SHLD2: variants seen among roughly 807,000 people sequenced by gnomAD.
The protein encoded by SHLD2 is shieldin complex subunit 2.
In SHLD2, 30 loss-of-function variants were observed where a neutral mutation model predicts 73.2. The observed-to-expected ratio is 0.41, with a 90% CI of 0.31 to 0.56. The LOEUF is 0.56. Among genes scored for constraint, SHLD2 ranks in the 20% least tolerant of loss-of-function variants. The pLI is 0.28. For missense variants in SHLD2, 745 were observed against 1,055.9 expected (o/e 0.71, Z 4.08); for synonymous variants, 285 against 370.1 (o/e 0.77, Z 2.64).
chr10:87,134,815 G>C (rs1844685563), intron 2 of SHLD2, among the ~76,000 whole-genome samples: 1 of 152,166 alleles, frequency 6.6e-6, no homozygotes. Context: ...GAAGAGGTGA[G>C]TGAAACTGCT....
At chr10:87,155,568 G>A (rs1846356111) in intron 3 of SHLD2, among the ~76,000 whole-genome samples, 2 of 151,872 alleles carry the variant, frequency 1.3e-5, no homozygotes, top group South Asian at 4.2e-4. Context: ...TTGCAGAGCT[G>A]AAATCTAGTT....
intron 6 of SHLD2, among the ~76,000 whole-genome samples, chr10:87,172,615 G>A (rs1453710704): frequency 6.6e-6 from 1 of 151,878 alleles, no homozygotes; most frequent in East Asian, 1.9e-4. Context: ...GGCTGAGGTG[G>A]GTGGATTGCT....
intron 2 of SHLD2, among the ~76,000 whole-genome samples, chr10:87,105,442 A>G (rs781654461): frequency 1.3e-5 from 2 of 152,262 alleles, no homozygotes; most frequent in Admixed American, 6.5e-5. Context: ...GGCACAAGGT[A>G]GAGACGCTGA....
At chr10:87,154,026 G>A (rs920306184) in intron 3 of SHLD2, 3 of 150,842 alleles carry the variant, frequency 2.0e-5, no homozygotes, top group African/African-American at 7.3e-5. Flanking sequence ...TTAATTTTTT[G>A]TTTGTTTGTT....
In SHLD2 at chr10:87,170,513, T is replaced by C; in HGVS notation, c.1669T>C (p.Leu557=). 1 of 1,606,540 alleles carries C rather than the reference T, an allele frequency of 6.2e-7. No homozygotes were observed. Residue 557 remains leucine, a synonymous_variant, in exon 5 of 10, where the codon TTA becomes CTA. Transcript: ENST00000298786. ...AGTTAGTGAAGTTGTACTTCAAGAC[T>C]TACTGGCATATGTGTCCTCAAAACA... ...SVVSEVVLQD[L]LAYVSSKHSY...
upstream of SHLD2, chr10:87,094,855 C>T (rs1841692573): frequency 2.7e-6 from 3 of 1,104,042 alleles, no homozygotes; most frequent in East Asian, 3.3e-5. The surrounding 1 kb of genome is among the most constrained non-coding windows in gnomAD (Gnocchi z 6.6). Context: ...AAGGGTCCCG[C>T]GCGGGTTGCC....
chr10:87,116,056 T>C (rs1843239489), intron 2 of SHLD2, among the ~76,000 whole-genome samples: 1 of 152,254 alleles, frequency 6.6e-6, no homozygotes, highest in Non-Finnish European at 1.5e-5. Flanking sequence ...TAGCCCACAG[T>C]TGAATGAATA....
At chr10:87,104,860 C>G (rs991742155) in intron 2 of SHLD2, among the ~76,000 whole-genome samples, 5 of 151,986 alleles carry the variant, frequency 3.3e-5, no homozygotes, top group African/African-American at 1.2e-4. Flanking sequence ...GAGGTTTCAC[C>G]ATGTTGGCCA....
chr10:87,107,873 A>G (rs952331729), intron 2 of SHLD2, among the ~76,000 whole-genome samples: 1 of 150,196 alleles, frequency 6.7e-6, no homozygotes, highest in South Asian at 2.1e-4. Context: ...ATTTTTAGAG[A>G]TGACTTTTTG....
chr10:87,175,692 A>G lies in SHLD2; in HGVS notation c.1964-197A>G, dbSNP rs143953358. On this transcript the variant is annotated intron_variant, in intron 6 of 9. Coordinates refer to ENST00000298786, the MANE Select transcript of SHLD2 (RefSeq NM_001330112.2). ...GAGTGAGACTCTGTCTTGGAAAATA[A>G]TAATAATAATAATAATAATCTCTAG... Among the ~76,000 whole-genome samples the G allele has an allele frequency of 4.2e-3, 635 of 152,162 alleles. 6 individuals carry two copies. Among genetic ancestry groups the G allele is most frequent in the Non-Finnish European group, 4.2e-3 (289 of 68,004 alleles).
chr10:87,179,497 G>T (rs1297296039), intron 7 of SHLD2, among the ~76,000 whole-genome samples: 2 of 152,008 alleles, frequency 1.3e-5, no homozygotes, highest in African/African-American at 4.8e-5. Context: ...TGCCTCCCGG[G>T]TTCAAGCCAT....
intron 6 of SHLD2, among the ~76,000 whole-genome samples, chr10:87,172,720 T>C (rs1345706965): frequency 2.0e-5 from 3 of 151,882 alleles, no homozygotes; most frequent in African/African-American, 4.8e-5. Flanking sequence ...TGTTATCATA[T>C]AATAAATATT....
intron 2 of SHLD2, among the ~76,000 whole-genome samples, chr10:87,114,906 T>G (rs1843148509): frequency 6.6e-6 from 1 of 152,172 alleles, no homozygotes; most frequent in African/African-American, 2.4e-5. Context: ...GTTTCTGGCT[T>G]TAATAACTCC....
chr10:87,127,356 A>C (rs536519131), intron 2 of SHLD2, among the ~76,000 whole-genome samples: 58 of 152,196 alleles, frequency 3.8e-4, no homozygotes, highest in African/African-American at 1.4e-3. Context: ...GTGAGAGTGA[A>C]AGATTGATTA....
intron 2 of SHLD2, among the ~76,000 whole-genome samples, chr10:87,127,855 AGG>A (rs1207700682): frequency 1.3e-5 from 2 of 151,904 alleles, no homozygotes; most frequent in East Asian, 3.9e-4. Context: ...CAGAAACCCA[AGG>A]ATTTCTGCCG....
intron 2 of SHLD2, among the ~76,000 whole-genome samples, chr10:87,123,071 C>T (rs1843737244): frequency 6.6e-6 from 1 of 152,130 alleles, no homozygotes; most frequent in Admixed American, 6.5e-5. Context: ...GCCACTGCAC[C>T]TGGCCTTTTT....
At chr10:87,157,496 T>C (rs1846516529) in intron 3 of SHLD2, among the ~76,000 whole-genome samples, 1 of 152,216 alleles carries the variant, frequency 6.6e-6, no homozygotes, top group Non-Finnish European at 1.5e-5. Flanking sequence ...CCGTCTTAGA[T>C]ATACAGCTCT....
chr10:87,172,612 G>T (rs1847663797), intron 6 of SHLD2, among the ~76,000 whole-genome samples: 1 of 152,058 alleles, frequency 6.6e-6, no homozygotes. Flanking sequence ...GGAGGCTGAG[G>T]TGGGTGGATT....
intron 8 of SHLD2, among the ~76,000 whole-genome samples, chr10:87,184,944 A>G (rs1409384137): frequency 6.6e-6 from 1 of 152,162 alleles, no homozygotes; most frequent in Admixed American, 6.6e-5. Context: ...ATACCATCAA[A>G]TTAATCTTCT....
Sources: gnomAD v4.1 joint callset for allele counts (sites outside exome capture counted in the v4.1 genomes callset) on GRCh38, gnomAD v4.1.1 for gene constraint, Gnocchi (gnomAD v3.1) non-coding constraint, MANE v1.5 for transcripts, NCBI Gene and HGNC (gene_info 2026-07-23, HGNC 2026-07-21) for gene names.